The following NFILZ variants were observed in gnomAD, a reference collection of about 807,000 sequenced individuals.
NFILZ encodes NFIL3 like protein.
chr19:8,649,720 A>T (rs1300805591), intron 3 of NFILZ, among the ~76,000 whole-genome samples: 3 of 152,166 alleles, frequency 2.0e-5, no homozygotes, highest in Non-Finnish European at 4.4e-5. Context: ...GTCTGCAGAG[A>T]ATTGAAAAGC....
intron 3 of NFILZ, among the ~76,000 whole-genome samples, chr19:8,637,976 C>T (rs1423168010): frequency 6.7e-6 from 1 of 149,414 alleles, no homozygotes; most frequent in Non-Finnish European, 1.5e-5. Context: ...TCCACATAGT[C>T]CCCTTGCTCT....
intron 3 of NFILZ, chr19:8,638,653 T>C (rs1307167404): frequency 1.3e-5 from 2 of 151,998 alleles, no homozygotes; most frequent in Non-Finnish European, 2.9e-5. Flanking sequence ...TGGTCAAGTC[T>C]GCAGTATGTC....
intron 3 of NFILZ, among the ~76,000 whole-genome samples, chr19:8,645,030 T>G (rs1330259300): frequency 2.1e-5 from 1 of 47,878 alleles, no homozygotes; most frequent in Non-Finnish European, 4.3e-5. Context: ...ATCCCCCACC[T>G]CAGCCTCCCA....
intron 3 of NFILZ, among the ~76,000 whole-genome samples, chr19:8,667,091 CAG>C (rs2043065701): frequency 6.6e-6 from 1 of 152,022 alleles, no homozygotes; most frequent in South Asian, 2.1e-4. Flanking sequence ...CCTGCCCTGT[CAG>C]GGGATGGAAG....
intron 3 of NFILZ, among the ~76,000 whole-genome samples, chr19:8,646,881 A>T (rs1392911997): frequency 6.6e-6 from 1 of 152,102 alleles, no homozygotes; most frequent in Non-Finnish European, 1.5e-5. Context: ...CCTGACCCGG[A>T]TCTAGGCTAG....
chr19:8,637,912 C>CAAAAAAAA (rs35778716), intron 3 of NFILZ, among the ~76,000 whole-genome samples: 1,659 of 20,122 alleles, frequency 0.082, 345 homozygotes, highest in Middle Eastern at 0.14. Context: ...AAGATGGTCT[C>CAAAAAAAA]AAAAAAAAAA....
chr19:8,674,326 TC>T (rs1459832040), intron 3 of NFILZ, among the ~76,000 whole-genome samples: 1 of 152,200 alleles, frequency 6.6e-6, no homozygotes, highest in Non-Finnish European at 1.5e-5. Context: ...CATATTTTCT[TC>T]TTTTATTATA....
chr19:8,678,119 A>G lies in NFILZ; in HGVS notation c.*484A>G, dbSNP rs2043124478. Among the ~76,000 whole-genome samples the G allele has an allele frequency of 7.2e-6, 1 of 138,498 alleles. No homozygotes were observed. The highest frequency in any genetic ancestry group is 2.2e-4 in the South Asian group (1 of 4,534). The allele number at this position is 138,498 out of a possible 152,430, so 90.9% of individuals were successfully genotyped here. ...CATCCATCCATCCATCCATCCATCC[A>G]TCCATCCCTCCATCCATTCATCCAC... On this transcript the variant is annotated 3_prime_UTR_variant, in exon 6 of 6. Coordinates refer to ENST00000691075, the MANE Select transcript of NFILZ (RefSeq NM_001378600.1).
intron 3 of NFILZ, among the ~76,000 whole-genome samples, chr19:8,638,874 C>T (rs1314281716): frequency 8.9e-5 from 13 of 146,796 alleles, no homozygotes; most frequent in African/African-American, 2.3e-4. Context: ...GATGGAATCT[C>T]GCTCTGTTGC....
At position 8,678,097 on chromosome 19, in the gene NFILZ, C is replaced by CCTTCCATCCATTCATCCACTTGTT. The variant is rs2043123487; in HGVS notation, c.*463_*464insTTCCATCCATTCATCCACTTGTTC. 7.4e-6 allele frequency among the ~76,000 whole-genome samples: 1 copy of CCTTCCATCCATTCATCCACTTGTT among 135,414 alleles called. No individual in the cohort carries two copies. The highest frequency in any genetic ancestry group is 3.0e-5 in the African/African-American group (1 of 33,442). 88.8% of individuals were successfully genotyped at this position (135,414 alleles called of 152,430 possible). ...CCATCAATCCATCCATCCATTCCATCCATCCATCCATCCATCCATCCATCC... is the reference window on the plus strand; with the variant it reads ...CCATCAATCCATCCATCCATTCCATCCTTCCATCCATTCATCCACTTGTTCATCCATCCATCCATCCATCCATCC... On this transcript the variant is annotated 3_prime_UTR_variant, in exon 6 of 6. Coordinates refer to ENST00000691075, the MANE Select transcript of NFILZ (RefSeq NM_001378600.1).
intron 3 of NFILZ, among the ~76,000 whole-genome samples, chr19:8,658,622 T>C (rs2043015677): frequency 6.6e-6 from 1 of 151,836 alleles, no homozygotes; most frequent in Non-Finnish European, 1.5e-5. Flanking sequence ...AGCTTCATTC[T>C]CCTCACCTAT....
intron 3 of NFILZ, among the ~76,000 whole-genome samples, chr19:8,674,057 G>A (rs2043100397): frequency 6.6e-6 from 1 of 152,158 alleles, no homozygotes; most frequent in Non-Finnish European, 1.5e-5. Flanking sequence ...AGCCAGGATG[G>A]TCTTGCTGTC....
At chr19:8,653,038 T>TCTCCCTCTCTC (rs2042975227) in intron 3 of NFILZ, among the ~76,000 whole-genome samples, 13 of 90,590 alleles carry the variant, frequency 1.4e-4, no homozygotes, top group African/African-American at 1.9e-4. Context: ...CTTTCTTTCT[T>TCTCCCTCTCTC]TCTCTCTCTC....
At chr19:8,663,772 A>ATGTGTATGTGTGTGTGTGTGTGTG (rs1555749471) in intron 3 of NFILZ, among the ~76,000 whole-genome samples, 1 of 77,026 alleles carries the variant, frequency 1.3e-5, no homozygotes, top group South Asian at 4.2e-4. Flanking sequence ...GTGTGTGTGT[A>ATGTGTATGTGTGTGTGTGTGTGTG]TGTATGTGTG....
At position 8,652,984 on chromosome 19, in the gene NFILZ, C is replaced by CT. The variant is rs2042972619; in HGVS notation, c.-164+17240dup. 3.8e-3 allele frequency among the ~76,000 whole-genome samples: 167 copies of CT among 44,112 alleles called. 2 individuals are homozygous for CT. The highest frequency in any genetic ancestry group is 5.6e-3 in the East Asian group (16 of 2,862). The allele number at this position is 44,112 out of a possible 152,430, so 28.9% of individuals were successfully genotyped here. ...CCTTCCTTCCCTCCTTCCTTCCTTCCTTCCTTCCTTCCTTCCTTCCTTCCT... is the reference window on the plus strand; with the variant it reads ...CCTTCCTTCCCTCCTTCCTTCCTTCCTTTCCTTCCTTCCTTCCTTCCTTCCT... On this transcript the variant is annotated intron_variant, in intron 3 of 5. Transcript: ENST00000691075.
chr19:8,640,193 G>A (rs151220056), intron 3 of NFILZ, among the ~76,000 whole-genome samples: 1 of 152,024 alleles, frequency 6.6e-6, no homozygotes, highest in Non-Finnish European at 1.5e-5. Context: ...CGGGTGAACC[G>A]GTCCTGTGTT....
At chr19:8,642,170 CTTTTTT>C (rs35972547) in intron 3 of NFILZ, among the ~76,000 whole-genome samples, 1 of 143,836 alleles carries the variant, frequency 7.0e-6, no homozygotes, top group Non-Finnish European at 1.5e-5. Flanking sequence ...TCACCGTTCT[CTTTTTT>C]TTTTTTTTTA....
Position 8,677,915 on chromosome 19 carries a change from T to G in NFILZ, c.*280T>G, listed in dbSNP as rs61154119. On this transcript the variant is annotated 3_prime_UTR_variant, in exon 6 of 6. Transcript: ENST00000691075. ...TCCCTCTTCCTTCCTCCTTTCCATT[T>G]ATCTATTCTTCCCTATAGCCATCCA... is the stretch of plus-strand genomic sequence containing the variant. 0.19 allele frequency among the ~76,000 whole-genome samples: 28,777 copies of G among 151,780 alleles called. 2,909 individuals carry two copies. The highest frequency in any genetic ancestry group is 0.24 in the Admixed American group (3,637 of 15,254).
At chr19:8,660,199 G>A (rs932803370) in intron 3 of NFILZ, among the ~76,000 whole-genome samples, 3 of 152,142 alleles carry the variant, frequency 2.0e-5, no homozygotes, top group East Asian at 3.9e-4. Context: ...TAGGCAAGTC[G>A]GTGCATCTCT....
Sources: gnomAD v4.1 joint callset for allele counts (sites outside exome capture counted in the v4.1 genomes callset) on GRCh38, gnomAD v4.1.1 for gene constraint, MANE v1.5 for transcripts, NCBI Gene and HGNC (gene_info 2026-07-23, HGNC 2026-07-21) for gene names.